The following AGL variants were observed in gnomAD, a reference collection of about 807,000 sequenced individuals.
The protein encoded by AGL is amylo-alpha-1,6-glucosidase and 4-alpha-glucanotransferase.
Under a neutral mutation model 199.3 loss-of-function variants are expected in AGL, and 128 were observed. The observed-to-expected ratio is 0.64, with a 90% CI of 0.56 to 0.74. The LOEUF (loss-of-function observed/expected upper bound fraction) is 0.74, where lower values mean the gene tolerates loss of function less well. AGL is among the 30% of genes least tolerant of loss of function. The pLI, the probability that AGL is intolerant of heterozygous loss-of-function variation, is 0.00. For synonymous variants in AGL, 584 were observed against 594.7 expected (o/e 0.98, Z 0.26); for missense variants, 1,809 against 1,820.8 (o/e 0.99, Z 0.12).
Position 99,910,844 on chromosome 1 carries a change from CA to C in AGL, c.3835del (p.Arg1279GlufsTer11). The C allele has an allele frequency of 6.2e-7, 1 of 1,612,284 alleles. No individual in the cohort carries two copies. The highest frequency in any genetic ancestry group is 2.2e-5 in the East Asian group (1 of 44,728). On this transcript the variant is annotated frameshift_variant and splice_region_variant, in exon 28 of 34. Coordinates refer to ENST00000361915, the MANE Select transcript of AGL (RefSeq NM_000642.3). LOFTEE classifies it high-confidence loss of function. ...RARNRGIPAT[P>X]RDGSAVEIVG... ...AGAAACAGAGGAATCCCAGCCACAC[CA>C]AGGTAGTGTAAATGTTATAATGCTG...
At chr1:99,861,431 A>C in intron 2 of AGL, 72 bp from the exon 3 acceptor site, 1 of 1,602,136 alleles carries the variant, frequency 6.2e-7, no homozygotes, top group Non-Finnish European at 8.5e-7. Flanking sequence ...AATACTTTAA[A>C]TAAAACATCT....
chr1:99,912,541 A>C, intron 29 of AGL, 24 bp downstream of exon 29: 1 of 1,506,414 alleles, frequency 6.6e-7, no homozygotes, highest in Non-Finnish European at 9.2e-7. Flanking sequence ...TTTATTTACA[A>C]AGAACCTTCA....
rs1425972753 is a variant in AGL at position 99,921,663 on chromosome 1, T to C, written c.*12T>C. ...TTTATGATTTATAGTTTATTACAGA[T>C]ATTAAGTATGCAATTACTTGTATTA... is the stretch of plus-strand genomic sequence containing the variant. On this transcript the variant is annotated 3_prime_UTR_variant, in exon 34 of 34. Coordinates refer to ENST00000361915, the MANE Select transcript of AGL (RefSeq NM_000642.3). The C allele has an allele frequency of 1.4e-5, 22 of 1,557,618 alleles. No homozygotes were observed. Among genetic ancestry groups the C allele is most frequent in the Non-Finnish European group, 1.9e-5 (22 of 1,129,524 alleles).
Position 99,864,609 on chromosome 1 carries a change from C to A in AGL, c.664+20C>A. On this transcript the variant is annotated intron_variant, in intron 5 of 33. Transcript: ENST00000361915. ...ATACTGGTATGAGCTTCATTGACTGCCTTCATTAATTTTGATGAGAATTTA... is the reference window on the plus strand; with the variant it reads ...ATACTGGTATGAGCTTCATTGACTGACTTCATTAATTTTGATGAGAATTTA... 1 of 1,595,322 alleles carries A rather than the reference C, an allele frequency of 6.3e-7. No individual in the cohort carries two copies. Among genetic ancestry groups the A allele is most frequent in the Non-Finnish European group, 8.6e-7 (1 of 1,163,664 alleles).
In AGL at chr1:99,877,712, C is replaced by T. The variant is rs775500220; in HGVS notation, c.1495C>T (p.Pro499Ser). ...TGTTAAATTACGCTATGGGAATAAA[C>T]CAGAGGACTGTCCTTATCTCTGGGC... The part of the protein sequence containing the change: ...DSVKLRYGNK[P>S]EDCPYLWAHM... Residue 499 changes from proline (P) to serine (S), a missense_variant, in exon 12 of 34, where the codon CCA (proline) becomes TCA (serine). Transcript: ENST00000361915. The T allele has an allele frequency of 6.2e-7, 1 of 1,613,972 alleles. No individual in the cohort carries two copies. The highest frequency in any genetic ancestry group is 1.1e-5 in the South Asian group (1 of 91,080).
chr1:99,915,400 C>G lies in AGL; in HGVS notation c.4173C>G (p.Leu1391=), dbSNP rs1655040023. 1 of 1,613,362 alleles carries G rather than the reference C, an allele frequency of 6.2e-7. No individual in the cohort carries two copies. The highest frequency in any genetic ancestry group is 8.5e-7 in the Non-Finnish European group (1 of 1,179,774). Residue 1391 remains leucine (L), a synonymous_variant, in exon 31 of 34, where the codon CTC becomes CTG. Coordinates refer to ENST00000361915, the MANE Select transcript of AGL (RefSeq NM_000642.3). ...TTGGCATTCACTAGGCCCCTGAGCT[C>G]TTTACTACAGAAAAAGCATGGAAAG... ...FTIAMVVAPE[L]FTTEKAWKAL...
chr1:99,906,656 T>G (rs1329396489), intron 27 of AGL, among the ~76,000 whole-genome samples: 1 of 152,314 alleles, frequency 6.6e-6, no homozygotes, highest in Admixed American at 6.5e-5. Context: ...GTGACTGATT[T>G]TTTCCACTTA....
At chr1:99,849,641 C>T (rs534485343), upstream of AGL, among the ~76,000 whole-genome samples, 3 of 152,302 alleles carry the variant, frequency 2.0e-5, no homozygotes, top group South Asian at 2.1e-4. Flanking sequence ...TCTGTTAGCA[C>T]TAGAAGTGAT....
At chr1:99,882,134 C>T (rs1652084985) in intron 17 of AGL, among the ~76,000 whole-genome samples, 1 of 133,556 alleles carries the variant, frequency 7.5e-6, no homozygotes, top group South Asian at 2.5e-4. Flanking sequence ...GAGACCCTAT[C>T]TCAAAAAAAA....
chr1:99,871,590 T>C (rs1480942900), intron 7 of AGL, among the ~76,000 whole-genome samples: 1 of 152,178 alleles, frequency 6.6e-6, no homozygotes, highest in Admixed American at 6.5e-5. Flanking sequence ...AAAACAGAAC[T>C]AGAGTAGGAC....
intron 2 of AGL, among the ~76,000 whole-genome samples, chr1:99,859,234 C>T (rs1649822118): frequency 6.6e-6 from 1 of 152,074 alleles, no homozygotes; most frequent in African/African-American, 2.4e-5. Context: ...TATTTTACTT[C>T]ATGTTTTAAT....
chr1:99,862,207 T>A, intron 3 of AGL, 50 bp from the exon 4 acceptor site: 5 of 1,568,396 alleles, frequency 3.2e-6, no homozygotes, highest in Non-Finnish European at 3.5e-6. Context: ...TATATGAGGA[T>A]TTTTTTTCTA....
chr1:99,888,477 A>G (rs895799701), intron 21 of AGL, among the ~76,000 whole-genome samples: 3 of 152,104 alleles, frequency 2.0e-5, no homozygotes, highest in Non-Finnish European at 4.4e-5. Flanking sequence ...GACCTTGATT[A>G]ATGTTTCTTG....
At chr1:99,884,793 C>T in intron 20 of AGL, 90 bp downstream of exon 20, 2 of 1,478,628 alleles carry the variant, frequency 1.4e-6, no homozygotes, top group Non-Finnish European at 1.9e-6. Flanking sequence ...TCCTCTATAT[C>T]CTTGCTACTC....
intron 21 of AGL, 35 bp downstream of exon 21, chr1:99,888,143 T>C: frequency 6.2e-7 from 1 of 1,609,394 alleles, no homozygotes; most frequent in Non-Finnish European, 8.5e-7. Context: ...GCTTTGTGTT[T>C]TTCTTTTAGG....
intron 12 of AGL, among the ~76,000 whole-genome samples, chr1:99,878,202 C>CT (rs1651709952): frequency 6.6e-6 from 1 of 151,928 alleles, no homozygotes; most frequent in Non-Finnish European, 1.5e-5. Context: ...GCTTATTACA[C>CT]ATTATAGTGG....
intron 2 of AGL, among the ~76,000 whole-genome samples, chr1:99,852,008 T>C (rs1017013161): frequency 6.6e-6 from 1 of 152,236 alleles, no homozygotes; most frequent in African/African-American, 2.4e-5. Flanking sequence ...CTTTCCTGAC[T>C]CTGCACTTTT....
intron 33 of AGL, among the ~76,000 whole-genome samples, chr1:99,919,169 C>T (rs574157155): frequency 2.0e-5 from 3 of 152,286 alleles, no homozygotes; most frequent in African/African-American, 7.2e-5. Flanking sequence ...CTGCCAGGCT[C>T]CACCTGTGTT....
intron 24 of AGL, among the ~76,000 whole-genome samples, chr1:99,893,394 C>T (rs1312218892): frequency 3.3e-5 from 5 of 152,068 alleles, no homozygotes; most frequent in African/African-American, 4.8e-5. Context: ...ATTCATAAAA[C>T]GTTGTTTAAG....
Sources: allele counts gnomAD v4.1 joint callset (sites outside exome capture counted in the v4.1 genomes callset), GRCh38; gene constraint gnomAD v4.1.1; transcripts MANE v1.5; gene names NCBI Gene and HGNC (gene_info 2026-07-23, HGNC 2026-07-21).